Variants in TMEM135 observed in about 807,000 individuals in gnomAD.
TMEM135 encodes the protein transmembrane protein 135.
TMEM135 carries 30 observed loss-of-function variants against 60.3 expected under a neutral mutation model. The observed-to-expected ratio is 0.50, with a 90% CI of 0.37 to 0.68. The LOEUF (loss-of-function observed/expected upper bound fraction) is 0.68. TMEM135 is among the 30% of genes least tolerant of loss of function. The probability of loss-of-function intolerance (pLI) is 0.00; values close to 1 mark genes in which losing one functional copy is unlikely to be tolerated. For synonymous variants in TMEM135, 190 were observed against 186.7 expected, an observed-to-expected ratio of 1.02 and a Z score of -0.14; for missense variants, 468 against 548.8, an observed-to-expected ratio of 0.85 and a Z score of 1.47.
Position 87,323,622 on chromosome 11 carries a change from T to C in TMEM135, c.*2289T>C. 1 of 453,930 alleles carries C rather than the reference T, an allele frequency of 2.2e-6. No homozygotes were observed. The highest frequency in any genetic ancestry group is 1.6e-5 in the South Asian group (1 of 64,416). 28.1% of individuals were successfully genotyped at this position (453,930 alleles called of 1,614,324 possible). A position where few individuals can be genotyped will look rare whatever the true frequency, so the allele number is the denominator to read the frequency against. Reference sequence around the variant, plus strand: ...CAATAATATGTCCCCTTAGTCTTTCTGACATTTTTATATAGATTGAGATTG... The same window carrying C: ...CAATAATATGTCCCCTTAGTCTTTCCGACATTTTTATATAGATTGAGATTG... On this transcript the variant is annotated 3_prime_UTR_variant, in exon 15 of 15. Coordinates refer to ENST00000305494, the MANE Select transcript of TMEM135 (RefSeq NM_022918.4).
In TMEM135 at chr11:87,313,441, T is replaced by C; in HGVS notation, c.953T>C (p.Leu318Pro). 1 of 1,611,218 alleles carries C rather than the reference T, an allele frequency of 6.2e-7. No homozygotes were observed. The highest frequency in any genetic ancestry group is 8.5e-7 in the Non-Finnish European group (1 of 1,177,900). ...VSIYKGTSCFLRWIRNLDDEL... is the reference protein window; with the variant it reads ...VSIYKGTSCFPRWIRNLDDEL... ...CTTAACTAGGGTACTAGTTGCTTCC[T>C]GCGCTGGATCAGAAACTTAGATGAT... Residue 318 changes from leucine to proline, a missense_variant, in exon 11 of 15, where the codon CTG becomes CCG. Physicochemically the swap from Leu to Pro is moderately conservative, Grantham distance 98 (BLOSUM62 -3). Transcript: ENST00000305494.
chr11:87,268,721 T>C (rs912405619), intron 6 of TMEM135, among the ~76,000 whole-genome samples: 2 of 152,148 alleles, frequency 1.3e-5, no homozygotes, highest in African/African-American at 4.8e-5. Context: ...ACTAATGTTG[T>C]TGATATTCTT....
chr11:87,281,832 T>C (rs530055764), intron 6 of TMEM135, among the ~76,000 whole-genome samples: 35 of 152,320 alleles, frequency 2.3e-4, no homozygotes, highest in African/African-American at 8.2e-4. Context: ...ACAATCAGCA[T>C]TTGCAGATAA....
At chr11:87,245,536 T>C (rs1941247574) in intron 6 of TMEM135, among the ~76,000 whole-genome samples, 2 of 144,448 alleles carry the variant, frequency 1.4e-5, no homozygotes, top group Admixed American at 6.8e-5. Flanking sequence ...TGGGTGCTCC[T>C]GTATTGGGTG....
At chr11:87,210,330 A>G (rs1940335401) in intron 5 of TMEM135, among the ~76,000 whole-genome samples, 1 of 152,198 alleles carries the variant, frequency 6.6e-6, no homozygotes, top group South Asian at 2.1e-4. Flanking sequence ...GATGAAGGTG[A>G]TATTACCACT....
Position 87,328,025 on chromosome 11 carries a change from C to T in TMEM135, c.*6692C>T, listed in dbSNP as rs1008637674. ...CTCTGGAAACACCCTCACAGACACACCCCAAAATAATGCCTTACCAGTTCT... is the reference window on the plus strand; with the variant it reads ...CTCTGGAAACACCCTCACAGACACATCCCAAAATAATGCCTTACCAGTTCT... On this transcript the variant is annotated 3_prime_UTR_variant, in exon 15 of 15. Transcript: ENST00000305494. 6.6e-6 allele frequency: 3 copies of T among 453,942 alleles called. No individual in the cohort carries two copies. The highest frequency in any genetic ancestry group is 6.0e-5 in the African/African-American group (3 of 49,994). 28.1% of individuals were successfully genotyped at this position (453,942 alleles called of 1,614,324 possible). A position where few individuals can be genotyped will look rare whatever the true frequency, so the allele number is the denominator to read the frequency against.
At position 87,309,755 on chromosome 11, in the gene TMEM135, ATTT is replaced by A. The variant is rs1942610434; in HGVS notation, c.936+87_936+89del. ...AATGAGAGATGGCCTTAGTTCACTT[ATTT>A]TTTAATGCTTCTTTCTGGAATATTC... On this transcript the variant is annotated intron_variant, in intron 10 of 14. Transcript: ENST00000305494. 3 of 1,415,108 alleles carry A rather than the reference ATTT, an allele frequency of 2.1e-6. No individual in the cohort carries two copies. The South Asian group carries it at 3.6e-5, about 17-fold the overall frequency. The allele number at this position is 1,415,108 out of a possible 1,614,324, so 87.7% of individuals were successfully genotyped here.
intron 4 of TMEM135, among the ~76,000 whole-genome samples, chr11:87,110,375 A>G (rs1172694245): frequency 6.6e-6 from 1 of 151,978 alleles, no homozygotes; most frequent in Non-Finnish European, 1.5e-5. Context: ...AAGCAGGACA[A>G]TTGCTTGAGC....
chr11:87,135,166 T>G (rs545644854), intron 4 of TMEM135, among the ~76,000 whole-genome samples: 3 of 152,186 alleles, frequency 2.0e-5, no homozygotes, highest in African/African-American at 7.2e-5. Flanking sequence ...TTGTAAAAAA[T>G]TTTTTTCCAT....
At chr11:87,306,033 TA>T in intron 9 of TMEM135, 28 bp downstream of exon 9, 1 of 1,380,506 alleles carries the variant, frequency 7.2e-7, no homozygotes, top group Non-Finnish European at 1.0e-6. Context: ...TGTACTTTAT[TA>T]ACAGTAGGGA....
At position 87,069,041 on chromosome 11, in the gene TMEM135, C is replaced by T. The variant is rs113346558; in HGVS notation, c.269+1220C>T. Among the ~76,000 whole-genome samples the T allele has an allele frequency of 2.5e-3, 380 of 151,862 alleles. 2 individuals are homozygous for T. Among genetic ancestry groups the T allele is most frequent in the African/African-American group, 8.7e-3 (362 of 41,462 alleles). On this transcript the variant is annotated intron_variant, in intron 2 of 14. Coordinates refer to ENST00000305494, the MANE Select transcript of TMEM135 (RefSeq NM_022918.4). ...TATGACGGCCGGGCGCGGTGGCTCA[C>T]GCCTGTAATCCTAGCACTTTGGATC... is the stretch of plus-strand genomic sequence containing the variant.
At chr11:87,310,467 G>A (rs1181403248) in intron 10 of TMEM135, among the ~76,000 whole-genome samples, 1 of 151,950 alleles carries the variant, frequency 6.6e-6, no homozygotes, top group Non-Finnish European at 1.5e-5. Flanking sequence ...GAAGTCACTG[G>A]GGGCTTCTAG....
At chr11:87,272,771 G>C (rs1350120697) in intron 6 of TMEM135, among the ~76,000 whole-genome samples, 1 of 152,122 alleles carries the variant, frequency 6.6e-6, no homozygotes, top group African/African-American at 2.4e-5. Context: ...ATCCAGCACT[G>C]TAATGATTCT....
intron 5 of TMEM135, among the ~76,000 whole-genome samples, chr11:87,203,838 G>A (rs1940175806): frequency 6.6e-6 from 1 of 152,168 alleles, no homozygotes; most frequent in African/African-American, 2.4e-5. Context: ...ATGAATGAGA[G>A]TTCCTGTTGT....
chr11:87,160,939 G>T (rs901763459), intron 5 of TMEM135, among the ~76,000 whole-genome samples: 2 of 152,032 alleles, frequency 1.3e-5, no homozygotes, highest in Non-Finnish European at 2.9e-5. Flanking sequence ...TCACTCTCTC[G>T]CCCAGACTGG....
At chr11:87,309,392 A>T (rs1002721169) in intron 9 of TMEM135, 113 bp from the exon 10 acceptor site, 1 of 1,085,748 alleles carries the variant, frequency 9.2e-7, no homozygotes, top group African/African-American at 1.6e-5. Context: ...TGTGCTATAA[A>T]CTTAGATTAA....
At chr11:87,280,424 A>T (rs932034768) in intron 6 of TMEM135, among the ~76,000 whole-genome samples, 2 of 152,122 alleles carry the variant, frequency 1.3e-5, no homozygotes, top group South Asian at 2.1e-4. Context: ...GTCTTTCTCC[A>T]TTTGGTTTCC....
chr11:87,252,798 A>ATGTGTGTG (rs558272693), intron 6 of TMEM135, among the ~76,000 whole-genome samples: 2,855 of 134,144 alleles, frequency 0.021, 61 homozygotes, highest in African/African-American at 0.05. Flanking sequence ...TAAAATATAT[A>ATGTGTGTG]TGTGTGTGTG....
intron 3 of TMEM135, among the ~76,000 whole-genome samples, chr11:87,085,340 C>A (rs141461646): frequency 1.3e-5 from 2 of 152,140 alleles, no homozygotes; most frequent in Admixed American, 6.5e-5. Context: ...AGGACTTAAT[C>A]TAATAGCAAT....
Sources: allele counts gnomAD v4.1 joint callset (sites outside exome capture counted in the v4.1 genomes callset), GRCh38; gene constraint gnomAD v4.1.1; transcripts MANE v1.5; gene names NCBI Gene and HGNC (gene_info 2026-07-23, HGNC 2026-07-21).